RAB27A: variants seen among roughly 807,000 people sequenced by gnomAD.
RAB27A encodes ras-related protein Rab-27A.
RAB27A carries 17 observed loss-of-function variants against 20.8 expected under a neutral mutation model. The observed-to-expected ratio is 0.82, with a 90% CI of 0.56 to 1.23. The LOEUF is 1.23. Ranked by LOEUF, RAB27A falls within the 50% of genes most tolerant of loss-of-function variation. RAB27A has a pLI of 0.00. For synonymous variants in RAB27A, 85 were observed against 92.8 expected, an observed-to-expected ratio of 0.92 and a Z score of 0.48; for missense variants, 277 against 266.7, an observed-to-expected ratio of 1.04 and a Z score of -0.27.
upstream of RAB27A, among the ~76,000 whole-genome samples, chr15:55,294,121 A>C (rs936922216): frequency 1.2e-4 from 18 of 151,104 alleles, no homozygotes; most frequent in African/African-American, 4.0e-4. Flanking sequence ...TGTACTACAA[A>C]GGTATAGTAA....
At chr15:55,292,537 G>T (rs986902333), upstream of RAB27A, among the ~76,000 whole-genome samples, 4 of 152,226 alleles carry the variant, frequency 2.6e-5, no homozygotes, top group Admixed American at 6.5e-5. Context: ...AGTGAATCAA[G>T]AGGACTGGGA....
chr15:55,307,744 T>C (rs904297938), intron 2 of RAB27A, among the ~76,000 whole-genome samples: 1 of 149,808 alleles, frequency 6.7e-6, no homozygotes, highest in African/African-American at 2.5e-5. Flanking sequence ...TAGTTGCCAG[T>C]CTTCTCTTGG....
chr15:55,263,703 G>A (rs1897356547), intron 2 of RAB27A, among the ~76,000 whole-genome samples: 1 of 152,162 alleles, frequency 6.6e-6, no homozygotes, highest in Non-Finnish European at 1.5e-5. Flanking sequence ...AATTAAAGAA[G>A]CCGAACCCAA....
intron 3 of RAB27A, among the ~76,000 whole-genome samples, chr15:55,232,703 C>G (rs992362231): frequency 1.3e-5 from 2 of 152,170 alleles, no homozygotes; most frequent in African/African-American, 2.4e-5. Flanking sequence ...TGAAAGGAAA[C>G]TAGACAGTAA....
At chr15:55,219,295 T>C (rs1193596539) in intron 6 of RAB27A, among the ~76,000 whole-genome samples, 1 of 152,192 alleles carries the variant, frequency 6.6e-6, no homozygotes, top group Non-Finnish European at 1.5e-5. Flanking sequence ...TTCCTCTCTT[T>C]AGCATGGATT....
At chr15:55,252,212 G>A (rs1261472898) in intron 2 of RAB27A, among the ~76,000 whole-genome samples, 8 of 152,240 alleles carry the variant, frequency 5.3e-5, no homozygotes, top group East Asian at 1.9e-4. Context: ...AGAAAAGACC[G>A]GGGGAGGGTG....
In RAB27A at chr15:55,228,708, G is replaced by A. The variant is rs753966933; in HGVS notation, c.244C>T (p.Arg82Cys). Residue 82 changes from arginine to cysteine, a missense_variant, in exon 5 of 7, where the codon CGT becomes TGT. Transcript: ENST00000336787. Reference sequence around the variant, plus strand: ...CTGAAGAACGCTGTCGTTAAGCTACGAAACCTAGGAACATAAAAGCAGAAT... The same window carrying A: ...CTGAAGAACGCTGTCGTTAAGCTACAAAACCTAGGAACATAAAAGCAGAAT... ...LWDTAGQERF[R>C]SLTTAFFRDA... The A allele has an allele frequency of 1.3e-5, 21 of 1,608,914 alleles. No individual in the cohort carries two copies. The Middle Eastern group carries it at 1.5e-3, about 114-fold the overall frequency.
intron 2 of RAB27A, among the ~76,000 whole-genome samples, chr15:55,256,724 T>G (rs1438428780): frequency 6.6e-6 from 1 of 152,190 alleles, no homozygotes; most frequent in Non-Finnish European, 1.5e-5. Context: ...TCCATTGGTA[T>G]ATGGGGTTCC....
chr15:55,238,125 T>C (rs1423348096), intron 2 of RAB27A: 1 of 152,160 alleles, frequency 6.6e-6, no homozygotes, highest in East Asian at 1.9e-4. Flanking sequence ...AGTTTGCACT[T>C]TTCAGATTGT....
intron 2 of RAB27A, among the ~76,000 whole-genome samples, chr15:55,311,393 C>A (rs763402127): frequency 3.9e-5 from 6 of 152,134 alleles, no homozygotes; most frequent in Non-Finnish European, 5.9e-5. Flanking sequence ...TTGGAGTGGG[C>A]ATAATCGGGG....
intron 2 of RAB27A, among the ~76,000 whole-genome samples, chr15:55,299,128 G>C (rs1026712304): frequency 6.6e-6 from 1 of 152,258 alleles, no homozygotes; most frequent in African/African-American, 2.4e-5. Context: ...GATTGGGGAA[G>C]TGATAAGTGT....
At position 55,275,931 on chromosome 15, in the gene RAB27A, A is replaced by AC. The variant is rs1555399580; in HGVS notation, c.-142-5648_-142-5647insG. Among the ~76,000 whole-genome samples the AC allele has an allele frequency of 3.5e-3, 530 of 150,192 alleles. 2 individuals carry two copies. The highest frequency in any genetic ancestry group is 0.012 in the African/African-American group (476 of 41,234). On this transcript the variant is annotated intron_variant, in intron 1 of 6. Transcript: ENST00000336787. ...AGGATGGCTAATTAAAAAAAAAAAA[A>AC]AAAAAAAAACAAGAGATAAGTGTTG...
At chr15:55,286,497 G>C (rs1176813630) in intron 1 of RAB27A, among the ~76,000 whole-genome samples, 1 of 152,114 alleles carries the variant, frequency 6.6e-6, no homozygotes, top group Admixed American at 6.5e-5. Flanking sequence ...AGTGGTCTAA[G>C]AAGGCCTCTC....
intron 2 of RAB27A, among the ~76,000 whole-genome samples, chr15:55,312,931 A>G (rs2055027333): frequency 6.6e-6 from 1 of 152,086 alleles, no homozygotes; most frequent in African/African-American, 2.4e-5. Context: ...GAAACTTACA[A>G]CTGCTCTCCA....
At chr15:55,235,588 C>T (rs899146820) in intron 2 of RAB27A, among the ~76,000 whole-genome samples, 1 of 151,910 alleles carries the variant, frequency 6.6e-6, no homozygotes, top group African/African-American at 2.4e-5. Flanking sequence ...CCATATAGAA[C>T]AAAAACTAAT....
At chr15:55,250,167 T>C (rs1216182647) in intron 2 of RAB27A, among the ~76,000 whole-genome samples, 2 of 152,088 alleles carry the variant, frequency 1.3e-5, no homozygotes. Flanking sequence ...TTTCACTATG[T>C]TGGCCAGGCT....
At chr15:55,275,769 C>T (rs149666367) in intron 1 of RAB27A, among the ~76,000 whole-genome samples, 1 of 151,282 alleles carries the variant, frequency 6.6e-6, no homozygotes, top group African/African-American at 2.4e-5. Context: ...ATTTAATGGG[C>T]GAAAGACCTG....
chr15:55,308,366 T>TA (rs1409404046), intron 2 of RAB27A, among the ~76,000 whole-genome samples: 3 of 152,224 alleles, frequency 2.0e-5, no homozygotes, highest in Admixed American at 6.5e-5. Flanking sequence ...TAAGCATACT[T>TA]AGAGTCTGTA....
intron 6 of RAB27A, among the ~76,000 whole-genome samples, chr15:55,221,376 T>G (rs1460953308): frequency 6.6e-6 from 1 of 152,190 alleles, no homozygotes; most frequent in East Asian, 1.9e-4. Flanking sequence ...CCTTACCCAT[T>G]GCAACATACC....
Sources: gnomAD v4.1 joint callset for allele counts (sites outside exome capture counted in the v4.1 genomes callset) on GRCh38, gnomAD v4.1.1 for gene constraint, MANE v1.5 for transcripts, NCBI Gene and HGNC (gene_info 2026-07-23, HGNC 2026-07-21) for gene names.